The following LTK variants were observed in gnomAD, a reference collection of about 807,000 sequenced individuals.
The protein encoded by LTK is leukocyte receptor tyrosine kinase.
A neutral mutation model predicts 101.5 loss-of-function variants in LTK; 117 were observed. The ratio of observed to expected loss-of-function variants is 1.15; its 90% CI spans 0.99 to 1.34. The LOEUF is 1.34. Among genes scored for constraint, LTK ranks in the 40% most tolerant of loss-of-function variants. LTK has a pLI of 0.00. For synonymous variants in LTK, 563 were observed against 494.2 expected (o/e 1.14, Z -1.85); for missense variants, 1,252 against 1,164.7 (o/e 1.07, Z -1.09).
At chr15:41,505,371 G>T in intron 14 of LTK, 30 bp downstream of exon 14, 1 of 1,591,046 alleles carries the variant, frequency 6.3e-7, no homozygotes, top group Non-Finnish European at 8.5e-7. Flanking sequence ...TCTTTAGAGG[G>T]GCCTGGGGGG....
rs200386770 is a variant in LTK at position 41,513,725 on chromosome 15, C to T, written c.-16G>A. ...AGCAGCCCATCCCTGTTGGGTCCAC[C>T]CGGCAACAAAAGCCCTTGCGGTCGC... On this transcript the variant is annotated 5_prime_UTR_variant, in exon 1 of 20. Coordinates refer to ENST00000263800, the MANE Select transcript of LTK (RefSeq NM_002344.6). 6.2e-7 allele frequency: 1 copy of T among 1,613,008 alleles called. No individual in the cohort carries two copies.
At position 41,503,988 on chromosome 15, in the gene LTK, C is replaced by G. The variant is rs756442849; in HGVS notation, c.*8G>C. On this transcript the variant is annotated 3_prime_UTR_variant, in exon 20 of 20. Coordinates refer to ENST00000263800, the MANE Select transcript of LTK (RefSeq NM_002344.6). ...GCCTCAGTCCTTACCCTCAGGGCCC[C>G]TTGGGGCTCAGGAGCGATAAGTGGG... 3 of 1,591,314 alleles carry G rather than the reference C, an allele frequency of 1.9e-6. No individual in the cohort carries two copies. The African/African-American group carries it at 4.1e-5, about 22-fold the overall frequency.
At position 41,503,887 on chromosome 15, in the gene LTK, C is replaced by G. The variant is rs2140683179; in HGVS notation, c.*109G>C. On this transcript the variant is annotated 3_prime_UTR_variant, in exon 20 of 20. Transcript: ENST00000263800. ...CCGAGACAGGCCCAGACACACAGCA[C>G]AGACTGCAGGGAACAGAGGCCGCTG... is the stretch of plus-strand genomic sequence containing the variant. 1 of 1,288,116 alleles carries G rather than the reference C, an allele frequency of 7.8e-7. No individual in the cohort carries two copies. Among genetic ancestry groups the G allele is most frequent in the East Asian group, 2.4e-5 (1 of 40,842 alleles). 79.8% of individuals were successfully genotyped at this position (1,288,116 alleles called of 1,614,324 possible).
chr15:41,508,306 C>T (rs1047426805), intron 8 of LTK, 85 bp from the exon 9 acceptor site: 14 of 1,184,976 alleles, frequency 1.2e-5, no homozygotes, highest in Non-Finnish European at 1.6e-5. Flanking sequence ...CAGTGGCACA[C>T]GCCTATAATC....
In LTK at chr15:41,504,645, A is replaced by T. The variant is rs766642338; in HGVS notation, c.2121-5T>A. The T allele has an allele frequency of 1.2e-6, 2 of 1,612,350 alleles. No individual in the cohort carries two copies. The highest frequency in any genetic ancestry group is 1.7e-6 in the Non-Finnish European group (2 of 1,179,480). On this transcript the variant is annotated splice_region_variant and splice_polypyrimidine_tract_variant and intron_variant, in intron 17 of 19. Transcript: ENST00000263800. ...CAGAGCAGCACCCCAAAAGACCTGC[A>T]TCACAAGTGGGGGAACCAAGTGAGG...
At position 41,512,144 on chromosome 15, in the gene LTK, C is replaced by T; in HGVS notation, c.481G>A (p.Gly161Arg). 2 of 1,611,856 alleles carry T rather than the reference C, an allele frequency of 1.2e-6. No homozygotes were observed. The highest frequency in any genetic ancestry group is 2.2e-5 in the East Asian group (1 of 44,794). The change falls in exon 4 of 20, where the codon GGG (glycine) becomes AGG (arginine). Residue 161 changes from glycine (G) to arginine (R), a missense_variant. Physicochemically the swap from Gly to Arg is moderately radical, Grantham distance 125. Coordinates refer to ENST00000263800, the MANE Select transcript of LTK (RefSeq NM_002344.6). Reference protein sequence around the residue: ...GLGESLYILVGQQGEDACPGG... With the variant: ...GLGESLYILVRQQGEDACPGG... ...GGACAGGCGTCCTCTCCCTGCTGCCCCACCAGGATGTACAGCGACTCCCCG... is the reference window on the plus strand; with the variant it reads ...GGACAGGCGTCCTCTCCCTGCTGCCTCACCAGGATGTACAGCGACTCCCCG...
chr15:41,511,869 C>A lies in LTK; in HGVS notation c.605G>T (p.Arg202Leu). 6.8e-7 allele frequency: 1 copy of A among 1,469,070 alleles called. No individual in the cohort carries two copies. Among genetic ancestry groups the A allele is most frequent in the Non-Finnish European group, 8.9e-7 (1 of 1,122,302 alleles). The allele number at this position is 1,469,070 out of a possible 1,614,324, so 91.0% of individuals were successfully genotyped here. Residue 202 changes from arginine (R) to leucine (L), a missense_variant, in exon 5 of 20, where the codon CGG (arginine) becomes CTG (leucine). Coordinates refer to ENST00000263800, the MANE Select transcript of LTK (RefSeq NM_002344.6). This position sits in a 1 kb window ranked among gnomAD's most constrained non-coding sequence, Gnocchi z 5.9. The stretch of plus-strand genomic sequence containing the variant: ...ACCCCCGCCACCTCCCGCCCAGCGC[C>A]GCGACCCCGGGACCCCTTCGCTCCC... ...MDGSEGVPGS[R>L]RWAGGGGGGG...
rs1420468916 is a variant in LTK at position 41,505,396 on chromosome 15, C to A, written c.1827+5G>T. ...GGCCTGGGGGGGCTAAGACAAGGGT[C>A]TCACCAGGTGTGGCCGACTGTGCCT... On this transcript the variant is annotated splice_donor_5th_base_variant and intron_variant, in intron 14 of 19. Coordinates refer to ENST00000263800, the MANE Select transcript of LTK (RefSeq NM_002344.6). The A allele has an allele frequency of 6.2e-7, 1 of 1,613,770 alleles. No individual in the cohort carries two copies. Among genetic ancestry groups the A allele is most frequent in the Non-Finnish European group, 8.5e-7 (1 of 1,179,942 alleles).
At position 41,511,161 on chromosome 15, in the gene LTK, T is replaced by C; in HGVS notation, c.997+3A>G. The C allele has an allele frequency of 1.4e-6, 2 of 1,384,706 alleles. No homozygotes were observed. The highest frequency in any genetic ancestry group is 1.6e-5 in the South Asian group (1 of 61,228). The allele number at this position is 1,384,706 out of a possible 1,614,324, so 85.8% of individuals were successfully genotyped here. A position where few individuals can be genotyped will look rare whatever the true frequency, so the allele number is the denominator to read the frequency against. On this transcript the variant is annotated splice_donor_region_variant and intron_variant, in intron 7 of 19. Transcript: ENST00000263800. This position sits in a 1 kb window ranked among gnomAD's most constrained non-coding sequence, Gnocchi z 5.9. Reference sequence around the variant, plus strand: ...CAGCTGCCCTCTCCAACGGTGCACCTACCCCTGTAGCCGCCGCCGCCTCCG... The same window carrying C: ...CAGCTGCCCTCTCCAACGGTGCACCCACCCCTGTAGCCGCCGCCGCCTCCG...
Position 41,509,037 on chromosome 15 carries a change from G to T in LTK, c.1090C>A (p.Leu364Met). Residue 364 changes from leucine (L) to methionine (M), a missense_variant, in exon 8 of 20, where the codon CTG (leucine) becomes ATG (methionine). By Grantham distance (15) the Leu-to-Met change is conservative. Transcript: ENST00000263800. ...GTGGGGTTGGGGCCAATACCTGCCAGAGGCTGCAGGAAGAGCTCGCTGCTG... is the reference window on the plus strand; with the variant it reads ...GTGGGGTTGGGGCCAATACCTGCCATAGGCTGCAGGAAGAGCTCGCTGCTG... ...HPSSELFLQP[L>M]AVTENHGEVE... 6.2e-7 allele frequency: 1 copy of T among 1,604,612 alleles called. No homozygotes were observed. The highest frequency in any genetic ancestry group is 8.5e-7 in the Non-Finnish European group (1 of 1,174,974).
At chr15:41,505,691 C>T (rs1566865340) in intron 13 of LTK, 22 bp downstream of exon 13, 2 of 1,613,268 alleles carry the variant, frequency 1.2e-6, no homozygotes, top group South Asian at 2.2e-5. Context: ...CCTTCCAGCC[C>T]TGCCCCTGGT....
chr15:41,503,894 C>T lies in LTK; in HGVS notation c.*102G>A. ...AGGCCCAGACACACAGCACAGACTG[C>T]AGGGAACAGAGGCCGCTGGCATAAC... is the stretch of plus-strand genomic sequence containing the variant. On this transcript the variant is annotated 3_prime_UTR_variant, in exon 20 of 20. Transcript: ENST00000263800. 7.5e-7 allele frequency: 1 copy of T among 1,326,596 alleles called. No homozygotes were observed. The highest frequency in any genetic ancestry group is 1.0e-6 in the Non-Finnish European group (1 of 982,870). 82.2% of individuals were successfully genotyped at this position (1,326,596 alleles called of 1,614,324 possible).
In LTK at chr15:41,513,061, G is replaced by A; in HGVS notation, c.103C>T (p.Pro35Ser). The A allele has an allele frequency of 6.2e-7, 1 of 1,611,818 alleles. No homozygotes were observed. Among genetic ancestry groups the A allele is most frequent in the East Asian group, 2.2e-5 (1 of 44,848 alleles). ...TCCCGGGGGCTGGGACTTGCCAGCG[G>A]CAGGGGCGAGGACCGCAGAAAAGTC... is the stretch of plus-strand genomic sequence containing the variant. Reference protein sequence around the residue: ...QETFLRSSPLPLASPSPRDPK... With the variant: ...QETFLRSSPLSLASPSPRDPK... Residue 35 changes from proline to serine, a missense_variant, in exon 2 of 20, where the codon CCG (proline) becomes TCG (serine). Transcript: ENST00000263800.
Position 41,505,762 on chromosome 15 carries a change from A to T in LTK, c.1648T>A (p.Cys550Ser), listed in dbSNP as rs200508070. Residue 550 changes from cysteine (C) to serine (S), a missense_variant, in exon 13 of 20, where the codon TGC (cysteine) becomes AGC (serine). Transcript: ENST00000263800. ...AAATCCAGCTCATCCTGAGGCGAGC[A>T]GAGTTCTGGCAGGGTCTGGGGAGGA... Reference protein sequence around the residue: ...QVAIKTLPELCSPQDELDFLM... With the variant: ...QVAIKTLPELSSPQDELDFLM... 7 of 1,613,922 alleles carry T rather than the reference A, an allele frequency of 4.3e-6. No homozygotes were observed. Among genetic ancestry groups the T allele is most frequent in the African/African-American group, 4.0e-5 (3 of 75,044 alleles).
chr15:41,504,885 G>A lies in LTK; in HGVS notation c.2019-11C>T. On this transcript the variant is annotated splice_polypyrimidine_tract_variant and intron_variant, in intron 16 of 19. Transcript: ENST00000263800. The stretch of plus-strand genomic sequence containing the variant: ...CGGTAATAACTGGCCCTACAGGAGG[G>A]AGGAGGTGAATGATGAGTTGTTCAC... 6.2e-7 allele frequency: 1 copy of A among 1,609,508 alleles called. No homozygotes were observed. The highest frequency in any genetic ancestry group is 8.5e-7 in the Non-Finnish European group (1 of 1,177,750).
At position 41,507,067 on chromosome 15, in the gene LTK, G is replaced by A. The variant is rs572950571; in HGVS notation, c.1541+28C>T. On this transcript the variant is annotated intron_variant, in intron 11 of 19. Coordinates refer to ENST00000263800, the MANE Select transcript of LTK (RefSeq NM_002344.6). Reference sequence around the variant, plus strand: ...CAGAGGTGGGGATTCAGAGTGCATAGGTTCTCAGAAGGAGGCAGAAGACTT... The same window carrying A: ...CAGAGGTGGGGATTCAGAGTGCATAAGTTCTCAGAAGGAGGCAGAAGACTT... The A allele has an allele frequency of 2.6e-5, 41 of 1,592,238 alleles. No homozygotes were observed. In the South Asian group the frequency reaches 3.8e-4, roughly 15 times the overall value.
Position 41,504,528 on chromosome 15 carries a change from G to A in LTK, c.2233C>T (p.Pro745Ser), listed in dbSNP as rs55900837. The A allele has an allele frequency of 3.5e-5, 57 of 1,613,730 alleles. No homozygotes were observed. The East Asian group carries it at 1.2e-3, about 33-fold the overall frequency. Residue 745 changes from proline to serine, a missense_variant, in exon 18 of 20, where the codon CCT (proline) becomes TCT (serine). Transcript: ENST00000263800. Reference sequence around the variant, plus strand: ...CACACAGGCCCTGGGCAGCCCCTAGGAGGGTCCATCCGGCCTCCTCCAACG... The same window carrying A: ...CACACAGGCCCTGGGCAGCCCCTAGAAGGGTCCATCCGGCCTCCTCCAACG... Reference protein sequence around the residue: ...FVVGGGRMDPPRGCPGPVYRI... With the variant: ...FVVGGGRMDPSRGCPGPVYRI...
chr15:41,511,253 G>T lies in LTK; in HGVS notation c.908C>A (p.Ala303Asp). ...GAEGGQGCSE[A>D]WATLGWAAAG... ...CGCGGCCCAGCCAAGGGTCGCCCAAGCCTCGGAGCAGCCCTGGCCGCCCTC... is the reference window on the plus strand; with the variant it reads ...CGCGGCCCAGCCAAGGGTCGCCCAATCCTCGGAGCAGCCCTGGCCGCCCTC... Residue 303 changes from alanine to aspartate, a missense_variant, in exon 7 of 20, where the codon GCT becomes GAT. Transcript: ENST00000263800. The surrounding 1 kb of genome is among the most constrained non-coding windows in gnomAD (Gnocchi z 5.9). 1 of 1,425,706 alleles carries T rather than the reference G, an allele frequency of 7.0e-7. No individual in the cohort carries two copies. The highest frequency in any genetic ancestry group is 9.1e-7 in the Non-Finnish European group (1 of 1,093,680). The allele number at this position is 1,425,706 out of a possible 1,614,324, so 88.3% of individuals were successfully genotyped here. A position where few individuals can be genotyped will look rare whatever the true frequency, so the allele number is the denominator to read the frequency against.
chr15:41,506,096 C>T (rs567851761), intron 11 of LTK, 91 bp from the exon 12 acceptor site: 1 of 785,340 alleles, frequency 1.3e-6, no homozygotes, highest in East Asian at 2.5e-5. Flanking sequence ...CCTGCCCCTG[C>T]CATATGCCCA....
Sources: allele counts gnomAD v4.1 joint callset, GRCh38; gene constraint gnomAD v4.1.1; non-coding constraint Gnocchi (gnomAD v3.1); transcripts MANE v1.5; gene names NCBI Gene and HGNC (gene_info 2026-07-23, HGNC 2026-07-21).